SNAP47: variants seen among roughly 807,000 people sequenced by gnomAD.
The protein encoded by SNAP47 is synaptosomal-associated protein 47.
SNAP47 carries 20 observed loss-of-function variants against 31.4 expected under a neutral mutation model. The ratio of observed to expected loss-of-function variants is 0.64; its 90% CI spans 0.45 to 0.93. SNAP47 has a LOEUF of 0.93. SNAP47 is among the 40% of genes least tolerant of loss of function. The probability of loss-of-function intolerance (pLI) is 0.00; values close to 1 mark genes in which losing one functional copy is unlikely to be tolerated. For missense variants in SNAP47, 492 were observed against 528.5 expected (o/e 0.93, Z 0.68); for synonymous variants, 194 against 213.4 (o/e 0.91, Z 0.79).
chr1:227,745,901 A>G (rs1281482746), intron 1 of SNAP47: 2 of 152,252 alleles, frequency 1.3e-5, no homozygotes, highest in African/African-American at 2.4e-5. Context: ...GTCTGGGCCA[A>G]AGCTGCCACG....
intron 3 of SNAP47, among the ~76,000 whole-genome samples, chr1:227,764,468 G>T (rs1166114017): frequency 6.6e-6 from 1 of 152,216 alleles, no homozygotes; most frequent in Non-Finnish European, 1.5e-5. Context: ...CAGGGGCTCT[G>T]CCCTGAAGAG....
At chr1:227,735,149 G>A (rs771467082), upstream of SNAP47, 1 of 1,581,998 alleles carries the variant, frequency 6.3e-7, no homozygotes, top group Non-Finnish European at 8.6e-7. Context: ...CACAAAGTCG[G>A]CGTAGGAGAA....
chr1:227,733,985 G>C, upstream of SNAP47: 1 of 1,613,924 alleles, frequency 6.2e-7, no homozygotes, highest in South Asian at 1.1e-5. Context: ...CAGCCAGTCG[G>C]ACGAGAAGTA....
intron 4 of SNAP47, 79 bp from the exon 5 acceptor site, chr1:227,780,448 G>A: frequency 3.2e-6 from 5 of 1,584,152 alleles, no homozygotes; most frequent in East Asian, 2.2e-5. Flanking sequence ...GCTCTTGGGT[G>A]TGTGAGAGGG....
chr1:227,735,488 G>T lies in SNAP47; in HGVS notation c.-57G>T. 2 of 1,418,576 alleles carry T rather than the reference G, an allele frequency of 1.4e-6. No individual in the cohort carries two copies. Among genetic ancestry groups the T allele is most frequent in the Non-Finnish European group, 1.8e-6 (2 of 1,096,116 alleles). 87.9% of individuals were successfully genotyped at this position (1,418,576 alleles called of 1,614,324 possible). A position where few individuals can be genotyped will look rare whatever the true frequency, so the allele number is the denominator to read the frequency against. On this transcript the variant is annotated 5_prime_UTR_variant, in exon 1 of 5. Coordinates refer to ENST00000617596, the MANE Select transcript of SNAP47 (RefSeq NM_053052.4). ...CCGCGGTCGGCTCTGGGACTCGTCT[G>T]GCGTCCCTCAGGTGAGCGACGGTGT...
intron 2 of SNAP47, among the ~76,000 whole-genome samples, chr1:227,749,318 G>T (rs1662189215): frequency 6.6e-6 from 1 of 152,112 alleles, no homozygotes; most frequent in Non-Finnish European, 1.5e-5. Context: ...GAGTCTTGGG[G>T]GGCTGCTTTC....
At chr1:227,733,621 C>T (rs1558182561), upstream of SNAP47, 2 of 1,603,756 alleles carry the variant, frequency 1.2e-6, no homozygotes, top group South Asian at 2.2e-5. Flanking sequence ...GCCACTTCTT[C>T]CTCCCACAGA....
upstream of SNAP47, chr1:227,733,709 G>A (rs373719138): frequency 2.5e-6 from 4 of 1,598,700 alleles, no homozygotes; most frequent in Admixed American, 5.0e-5. Context: ...CCTGGTTCAT[G>A]CCTGTAGGGG....
chr1:227,767,315 T>G (rs764815978), intron 4 of SNAP47, among the ~76,000 whole-genome samples: 21 of 152,148 alleles, frequency 1.4e-4, no homozygotes, highest in Admixed American at 5.2e-4. Flanking sequence ...TCAGACACAT[T>G]CCTATGCACA....
chr1:227,732,590 C>T, upstream of SNAP47: 1 of 1,613,546 alleles, frequency 6.2e-7, no homozygotes, highest in Non-Finnish European at 8.5e-7. Context: ...CTGCCTCCCT[C>T]AGGACCAGGA....
chr1:227,780,451 T>G, intron 4 of SNAP47, 76 bp from the exon 5 acceptor site: 4 of 1,585,892 alleles, frequency 2.5e-6, no homozygotes, highest in Non-Finnish European at 3.4e-6. Context: ...CTTGGGTGTG[T>G]GAGAGGGGGA....
At chr1:227,747,648 A>G in intron 1 of SNAP47, 44 bp from the exon 2 acceptor site, 1 of 1,531,648 alleles carries the variant, frequency 6.5e-7, no homozygotes, top group Non-Finnish European at 8.8e-7. Context: ...TTGTGTCTCC[A>G]GTCCATGGGT....
chr1:227,730,235 G>T (rs575485019), upstream of SNAP47, among the ~76,000 whole-genome samples: 159 of 152,282 alleles, frequency 1.0e-3, no homozygotes, highest in Middle Eastern at 6.8e-3. Flanking sequence ...GGCCTGTCAG[G>T]CCTCTTGCAG....
At chr1:227,771,359 C>T (rs1045420056) in intron 4 of SNAP47, among the ~76,000 whole-genome samples, 3 of 152,166 alleles carry the variant, frequency 2.0e-5, no homozygotes, top group Non-Finnish European at 2.9e-5. Context: ...ATGCCCCTGA[C>T]ACCACATTGC....
At chr1:227,764,196 A>G (rs1340136901) in intron 3 of SNAP47, among the ~76,000 whole-genome samples, 1 of 152,198 alleles carries the variant, frequency 6.6e-6, no homozygotes, top group East Asian at 1.9e-4. Context: ...AACCAAATTA[A>G]GCTTTCCTGG....
At chr1:227,780,253 A>C (rs949021083) in intron 4 of SNAP47, among the ~76,000 whole-genome samples, 1 of 152,182 alleles carries the variant, frequency 6.6e-6, no homozygotes, top group African/African-American at 2.4e-5. Flanking sequence ...TGGAGATGGC[A>C]GGCCAGGGTG....
chr1:227,756,249 C>G (rs958937872), intron 2 of SNAP47, among the ~76,000 whole-genome samples: 13 of 152,202 alleles, frequency 8.5e-5, no homozygotes, highest in African/African-American at 2.9e-4. Flanking sequence ...ACACTTCTGA[C>G]TATATACAGT....
In SNAP47 at chr1:227,743,134, C is replaced by T. The variant is rs76017565; in HGVS notation, c.-45-4558C>T. Among the ~76,000 whole-genome samples the T allele has an allele frequency of 1.1e-3, 173 of 152,186 alleles. 1 individual carries two copies. In the East Asian group the frequency reaches 0.027, roughly 24 times the overall value. ...GTGGGGTGCTCAGGTGAGTATTCCC[C>T]GGTTGCAGAGGAAGGTGCAGTGAGA... On this transcript the variant is annotated intron_variant, in intron 1 of 4. Coordinates refer to ENST00000617596, the MANE Select transcript of SNAP47 (RefSeq NM_053052.4).
At chr1:227,770,882 G>C (rs1663759969) in intron 4 of SNAP47, 1 of 152,294 alleles carries the variant, frequency 6.6e-6, no homozygotes, top group Non-Finnish European at 1.5e-5. Flanking sequence ...GGCTGGAGAA[G>C]CTGCATGGAC....
Sources: allele counts gnomAD v4.1 joint callset (sites outside exome capture counted in the v4.1 genomes callset), GRCh38; gene constraint gnomAD v4.1.1; transcripts MANE v1.5; gene names NCBI Gene and HGNC (gene_info 2026-07-23, HGNC 2026-07-21).